Variants in COL19A1 observed in about 807,000 individuals in gnomAD.
The protein encoded by COL19A1 is collagen alpha-1(XIX) chain.
Under a neutral mutation model 190.2 loss-of-function variants are expected in COL19A1, and 159 were observed. That is an observed-to-expected ratio of 0.84 (90% CI 0.73 to 0.95). COL19A1 has a LOEUF of 0.95. Among genes scored for constraint, COL19A1 ranks in the 40% least tolerant of loss-of-function variants. COL19A1 has a pLI of 0.00. For missense variants in COL19A1, 1,418 were observed against 1,431.9 expected (o/e 0.99, Z 0.16); for synonymous variants, 509 against 458.9 (o/e 1.11, Z -1.39).
At chr6:70,168,363 T>G in intron 39 of COL19A1, 148 bp downstream of exon 39, 1 of 817,334 alleles carries the variant, frequency 1.2e-6, no homozygotes, top group Non-Finnish European at 1.9e-6. Flanking sequence ...AAACCAATTA[T>G]AATAAAATTG....
chr6:70,106,700 T>C (rs1783990972), intron 16 of COL19A1, among the ~76,000 whole-genome samples: 1 of 152,216 alleles, frequency 6.6e-6, no homozygotes, highest in Non-Finnish European at 1.5e-5. Context: ...TCCAATTCCT[T>C]GTTAAAAACC....
chr6:69,901,983 G>T (rs7754967), intron 4 of COL19A1, among the ~76,000 whole-genome samples: 1 of 152,172 alleles, frequency 6.6e-6, no homozygotes, highest in African/African-American at 2.4e-5. Flanking sequence ...GCAAGACTTG[G>T]AATTTGTTTT....
intron 2 of COL19A1, among the ~76,000 whole-genome samples, chr6:69,889,736 T>C (rs540572181): frequency 9.2e-5 from 14 of 152,092 alleles, no homozygotes; most frequent in African/African-American, 2.7e-4. Flanking sequence ...GTCTAAAGGA[T>C]TGTAAACACA....
At chr6:70,193,809 T>G (rs1480173387) in intron 48 of COL19A1, among the ~76,000 whole-genome samples, 1 of 152,236 alleles carries the variant, frequency 6.6e-6, no homozygotes, top group Non-Finnish European at 1.5e-5. Flanking sequence ...ATCATTTCAA[T>G]TCACTCCATT....
At chr6:69,959,504 G>A in intron 9 of COL19A1, among the ~76,000 whole-genome samples, 1 of 152,146 alleles carries the variant, frequency 6.6e-6, no homozygotes, top group Non-Finnish European at 1.5e-5. Flanking sequence ...CAGAGTTGAA[G>A]TGTTTGGGCT....
intron 4 of COL19A1, among the ~76,000 whole-genome samples, chr6:69,908,902 T>A (rs2149983948): frequency 6.6e-6 from 1 of 152,278 alleles, no homozygotes; most frequent in South Asian, 2.1e-4. Flanking sequence ...GGTACAGAAA[T>A]GTTTTAAGTT....
At chr6:70,043,984 G>A (rs931585862) in intron 14 of COL19A1, among the ~76,000 whole-genome samples, 4 of 152,150 alleles carry the variant, frequency 2.6e-5, no homozygotes, top group Admixed American at 6.5e-5. Flanking sequence ...AACTCGTTGC[G>A]TGGTGTGGTT....
In COL19A1 at chr6:70,156,675, C is replaced by A; in HGVS notation, c.2244C>A (p.Ser748Arg). Residue 748 changes from serine to arginine, a missense_variant, in exon 34 of 51, where the codon AGC becomes AGA. By Grantham distance (110) the Ser-to-Arg change is moderately radical. Transcript: ENST00000620364. ...TGAATGTATTGTCTTTTTAGGGAAG[C>A]AAAGGAGAGCGGGGCTACCCTGGGA... ...GIPGREGPKG[S>R]KGERGYPGIP... The A allele has an allele frequency of 6.2e-7, 1 of 1,611,638 alleles. No individual in the cohort carries two copies. The highest frequency in any genetic ancestry group is 8.5e-7 in the Non-Finnish European group (1 of 1,178,556).
At chr6:70,175,415 T>C (rs1346550261) in intron 41 of COL19A1, among the ~76,000 whole-genome samples, 1 of 152,032 alleles carries the variant, frequency 6.6e-6, no homozygotes, top group African/African-American at 2.4e-5. Context: ...TTGAGCTCTT[T>C]TATAATGTAT....
At chr6:70,013,573 A>G (rs1778023152) in intron 11 of COL19A1, among the ~76,000 whole-genome samples, 1 of 46,964 alleles carries the variant, frequency 2.1e-5, no homozygotes, top group Non-Finnish European at 3.3e-5. Flanking sequence ...ATCAGAGAAT[A>G]CTACAAACAC....
intron 17 of COL19A1, among the ~76,000 whole-genome samples, chr6:70,124,073 C>T (rs1226277411): frequency 2.0e-5 from 3 of 150,062 alleles, no homozygotes; most frequent in Non-Finnish European, 3.0e-5. Context: ...ATGGATGGAA[C>T]TGGAGATCAT....
chr6:70,168,148 T>G (rs768585142), intron 38 of COL19A1, 23 bp from the exon 39 acceptor site: 3 of 1,612,200 alleles, frequency 1.9e-6, no homozygotes, highest in Non-Finnish European at 2.5e-6. Context: ...CTCTTTTTCT[T>G]TTCTTTTCAT....
At chr6:70,172,683 C>G (rs1423723937) in intron 41 of COL19A1, among the ~76,000 whole-genome samples, 1 of 152,168 alleles carries the variant, frequency 6.6e-6, no homozygotes, top group Non-Finnish European at 1.5e-5. Flanking sequence ...TATCTTTGTT[C>G]ATGATATGTT....
At chr6:70,018,310 A>G (rs978290) in intron 11 of COL19A1, among the ~76,000 whole-genome samples, 16,044 of 152,120 alleles carry the variant, frequency 0.11, 979 homozygotes, top group East Asian at 0.29. Flanking sequence ...AAGGTTTTTG[A>G]GAGTAAAAGC....
In COL19A1 at chr6:70,034,162, A is replaced by C. The variant is rs1044794769; in HGVS notation, c.1081-83A>C. The C allele has an allele frequency of 1.8e-5, 17 of 957,550 alleles. No homozygotes were observed. The African/African-American group carries it at 2.6e-4, about 14-fold the overall frequency. The allele number at this position is 957,550 out of a possible 1,614,324, so 59.3% of individuals were successfully genotyped here. ...AAGAATGAGATTTGGAGGTTCAGTAAATTATGATTTATTTTGTTACTAATG... is the reference window on the plus strand; with the variant it reads ...AAGAATGAGATTTGGAGGTTCAGTACATTATGATTTATTTTGTTACTAATG... On this transcript the variant is annotated intron_variant, in intron 12 of 50. Transcript: ENST00000620364.
chr6:70,043,346 T>C (rs1779731147), intron 14 of COL19A1, among the ~76,000 whole-genome samples: 1 of 151,976 alleles, frequency 6.6e-6, no homozygotes, highest in African/African-American at 2.4e-5. Flanking sequence ...CGCCCACCAC[T>C]ATGCCTGGCT....
intron 11 of COL19A1, among the ~76,000 whole-genome samples, chr6:69,981,481 A>G (rs747657875): frequency 6.6e-6 from 1 of 152,172 alleles, no homozygotes; most frequent in Admixed American, 6.6e-5. Context: ...GTGTGCATCT[A>G]TTGTAACTTA....
intron 11 of COL19A1, among the ~76,000 whole-genome samples, chr6:69,970,169 G>T (rs1775341368): frequency 6.6e-6 from 1 of 152,062 alleles, no homozygotes; most frequent in Admixed American, 6.6e-5. Flanking sequence ...TAACACAAAT[G>T]ATATAAAATT....
chr6:70,078,601 G>A (rs1375887192), intron 15 of COL19A1, among the ~76,000 whole-genome samples: 1 of 152,106 alleles, frequency 6.6e-6, no homozygotes, highest in Non-Finnish European at 1.5e-5. Flanking sequence ...AATGGGTGTA[G>A]ATAGAAGCTT....
Sources: gnomAD v4.1 joint callset for allele counts (sites outside exome capture counted in the v4.1 genomes callset) on GRCh38, gnomAD v4.1.1 for gene constraint, MANE v1.5 for transcripts, NCBI Gene and HGNC (gene_info 2026-07-23, HGNC 2026-07-21) for gene names.